The following SCRT1 variants were observed in gnomAD, a reference collection of about 807,000 sequenced individuals.
The protein encoded by SCRT1 is scratch family transcriptional repressor 1, also known as transcriptional repressor scratch 1.
SCRT1 carries 1 observed loss-of-function variant against 3.4 expected under a neutral mutation model. The observed-to-expected ratio is 0.29, with a 90% CI of 0.10 to 1.39. SCRT1 has a LOEUF of 1.39. SCRT1 is among the 40% of genes most tolerant of loss of function. The pLI is 0.42. For missense variants in SCRT1, 380 were observed against 526.3 expected (o/e 0.72, Z 2.72); for synonymous variants, 238 against 247.0 (o/e 0.96, Z 0.34).
In SCRT1 at chr8:144,335,924, A is replaced by G; in HGVS notation, c.115+131T>C. On this transcript the variant is annotated intron_variant, in intron 1 of 1. Coordinates refer to ENST00000569446, the MANE Select transcript of SCRT1 (RefSeq NM_031309.6). This position sits in a 1 kb window ranked among gnomAD's most constrained non-coding sequence, Gnocchi z 7.7. Reference sequence around the variant, plus strand: ...CCCCTCTACCGTCCAGGCTCCAGCCACAGACTCTTGCCGTTTCTGGTTCCC... The same window carrying G: ...CCCCTCTACCGTCCAGGCTCCAGCCGCAGACTCTTGCCGTTTCTGGTTCCC... 3.2e-6 allele frequency: 2 copies of G among 631,546 alleles called. No individual in the cohort carries two copies. The highest frequency in any genetic ancestry group is 4.2e-5 in the South Asian group (2 of 47,234). 39.1% of individuals were successfully genotyped at this position (631,546 alleles called of 1,614,324 possible). A position where few individuals can be genotyped will look rare whatever the true frequency, so the allele number is the denominator to read the frequency against.
intron 1 of SCRT1, 92 bp from the exon 2 acceptor site, chr8:144,334,208 ACCGGGAGACCCGGGT>A (rs1817851317): frequency 1.1e-6 from 1 of 942,338 alleles, no homozygotes; most frequent in Non-Finnish European, 1.5e-6. Flanking sequence ...GCAGACGCGG[ACCGGGAGACCCGGGT>A]CCGGGAGAGA....
At position 144,331,824 on chromosome 8, in the gene SCRT1, C is replaced by T. The variant is rs1337234263; in HGVS notation, c.*1361G>A. 1 of 152,718 alleles carries T rather than the reference C, an allele frequency of 6.5e-6. No individual in the cohort carries two copies. Among genetic ancestry groups the T allele is most frequent in the East Asian group, 1.9e-4 (1 of 5,176 alleles). The allele number at this position is 152,718 out of a possible 1,614,324, so 9.5% of individuals were successfully genotyped here. A position where few individuals can be genotyped will look rare whatever the true frequency, so the allele number is the denominator to read the frequency against. On this transcript the variant is annotated 3_prime_UTR_variant, in exon 2 of 2. Transcript: ENST00000569446. ...TCAGTAACTCTAGAGGCGGCGGCAG[C>T]TTCGCATGCAGTGCGCATTATTGCT...
At chr8:144,334,635 C>T (rs558033129) in intron 1 of SCRT1, among the ~76,000 whole-genome samples, 202 of 152,250 alleles carry the variant, frequency 1.3e-3, no homozygotes, top group African/African-American at 4.6e-3. Context: ...CTCTGGCCTG[C>T]AGAACGTGCG....
chr8:144,336,129 G>C lies in SCRT1; in HGVS notation c.41C>G (p.Ala14Gly), dbSNP rs1554850263. The part of the protein sequence containing the change: ...SFLVKKVKLD[A>G]FSSADLESAY... Reference sequence around the variant, plus strand: ...GCTCTCCAGGTCGGCCGAAGAGAACGCGTCAAGTTTGACCTTCTTGACCAG... The same window carrying C: ...GCTCTCCAGGTCGGCCGAAGAGAACCCGTCAAGTTTGACCTTCTTGACCAG... The change falls in exon 1 of 2, where the codon GCG becomes GGG. Residue 14 changes from alanine to glycine, a missense_variant. Ala to Gly is a moderately conservative substitution (Grantham distance 60). Transcript: ENST00000569446. This position sits in a 1 kb window ranked among gnomAD's most constrained non-coding sequence, Gnocchi z 6.8. The C allele has an allele frequency of 1.9e-6, 3 of 1,610,384 alleles. No homozygotes were observed.
At chr8:144,334,924 CAG>C (rs1470767095) in intron 1 of SCRT1, among the ~76,000 whole-genome samples, 1 of 152,186 alleles carries the variant, frequency 6.6e-6, no homozygotes, top group Non-Finnish European at 1.5e-5. Flanking sequence ...CTGAACTGTG[CAG>C]AGAGGGCCAG....
chr8:144,332,809 G>A lies in SCRT1; in HGVS notation c.*376C>T, dbSNP rs1817801835. 5.3e-6 allele frequency: 1 copy of A among 190,302 alleles called. No individual in the cohort carries two copies. Among genetic ancestry groups the A allele is most frequent in the Non-Finnish European group, 1.1e-5 (1 of 93,142 alleles). The allele number at this position is 190,302 out of a possible 1,614,324, so 11.8% of individuals were successfully genotyped here. A position where few individuals can be genotyped will look rare whatever the true frequency, so the allele number is the denominator to read the frequency against. ...TTGGGAAGGGGTGGGGAAGACCTGA[G>A]TCCCTGCGACGCGATCCAGGGGCGC... On this transcript the variant is annotated 3_prime_UTR_variant, in exon 2 of 2. Coordinates refer to ENST00000569446, the MANE Select transcript of SCRT1 (RefSeq NM_031309.6).
chr8:144,332,935 G>A lies in SCRT1; in HGVS notation c.*250C>T, dbSNP rs1554849758. ...GGTTCTAGGTCTCGTCGACCCTATT[G>A]CTGGGAGAAAGCCGGGGGCACCCTG... On this transcript the variant is annotated 3_prime_UTR_variant, in exon 2 of 2. Transcript: ENST00000569446. The A allele has an allele frequency of 1.7e-5, 8 of 478,626 alleles. No individual in the cohort carries two copies. The highest frequency in any genetic ancestry group is 4.1e-5 in the African/African-American group (2 of 48,638). The allele number at this position is 478,626 out of a possible 1,614,324, so 29.6% of individuals were successfully genotyped here. A position where few individuals can be genotyped will look rare whatever the true frequency, so the allele number is the denominator to read the frequency against.
In SCRT1 at chr8:144,335,566, C is replaced by T. The variant is rs2130574725; in HGVS notation, c.115+489G>A. 6.6e-6 allele frequency among the ~76,000 whole-genome samples: 1 copy of T among 152,360 alleles called. No homozygotes were observed. ...GAGACTGCTGCTGCCTCTGCTGGCC[C>T]TCTGCTCTGACAGGTGGGCGGCCCT... is the stretch of plus-strand genomic sequence containing the variant. On this transcript the variant is annotated intron_variant, in intron 1 of 1. Transcript: ENST00000569446. This position sits in a 1 kb window ranked among gnomAD's most constrained non-coding sequence, Gnocchi z 7.7.
chr8:144,332,573 G>C lies in SCRT1; in HGVS notation c.*612C>G, dbSNP rs1305598321. ...GAGGCGAGGGTAGGAGGGCGGCTCCGACTGAGGCCCCAGAAGCAACCCGAG... is the reference window on the plus strand; with the variant it reads ...GAGGCGAGGGTAGGAGGGCGGCTCCCACTGAGGCCCCAGAAGCAACCCGAG... On this transcript the variant is annotated 3_prime_UTR_variant, in exon 2 of 2. Coordinates refer to ENST00000569446, the MANE Select transcript of SCRT1 (RefSeq NM_031309.6). 6.6e-6 allele frequency: 1 copy of C among 152,604 alleles called. No individual in the cohort carries two copies. Among genetic ancestry groups the C allele is most frequent in the Non-Finnish European group, 1.5e-5 (1 of 68,034 alleles). The allele number at this position is 152,604 out of a possible 1,614,324, so 9.5% of individuals were successfully genotyped here.
Position 144,332,833 on chromosome 8 carries a change from GCA to G in SCRT1, c.*350_*351del, listed in dbSNP as rs1554849750. 4.5e-6 allele frequency: 1 copy of G among 222,590 alleles called. No individual in the cohort carries two copies. Among genetic ancestry groups the G allele is most frequent in the East Asian group, 9.4e-5 (1 of 10,584 alleles). 13.8% of individuals were successfully genotyped at this position (222,590 alleles called of 1,614,324 possible). A position where few individuals can be genotyped will look rare whatever the true frequency, so the allele number is the denominator to read the frequency against. On this transcript the variant is annotated 3_prime_UTR_variant, in exon 2 of 2. Coordinates refer to ENST00000569446, the MANE Select transcript of SCRT1 (RefSeq NM_031309.6). Reference sequence around the variant, plus strand: ...AGTCCCTGCGACGCGATCCAGGGGCGCAGAGGCGGGAGAAGGAGGGCGCTCCC... The same window carrying G: ...AGTCCCTGCGACGCGATCCAGGGGCGGAGGCGGGAGAAGGAGGGCGCTCCC...
rs1817818000 is a variant in SCRT1 at position 144,333,121 on chromosome 8, G to A, written c.*64C>T. On this transcript the variant is annotated 3_prime_UTR_variant, in exon 2 of 2. Transcript: ENST00000569446. The stretch of plus-strand genomic sequence containing the variant: ...CTCCGGCCCCTCCACCCGGACGCCA[G>A]CGAAGACTTCCCTGGGGGGCCGTAT... The A allele has an allele frequency of 3.7e-6, 5 of 1,356,728 alleles. No individual in the cohort carries two copies. Among genetic ancestry groups the A allele is most frequent in the Non-Finnish European group, 4.9e-6 (5 of 1,030,438 alleles). The allele number at this position is 1,356,728 out of a possible 1,614,324, so 84.0% of individuals were successfully genotyped here.
At position 144,331,890 on chromosome 8, in the gene SCRT1, G is replaced by A. The variant is rs782434751; in HGVS notation, c.*1295C>T. 1 of 152,636 alleles carries A rather than the reference G, an allele frequency of 6.6e-6. No homozygotes were observed. The highest frequency in any genetic ancestry group is 2.1e-4 in the South Asian group (1 of 4,836). 9.5% of individuals were successfully genotyped at this position (152,636 alleles called of 1,614,324 possible). A position where few individuals can be genotyped will look rare whatever the true frequency, so the allele number is the denominator to read the frequency against. ...GACTACCTAAGAGGGAGGGGGAGCG[G>A]GCAGCCCCGGGTAGGATCGGGAGGA... is the stretch of plus-strand genomic sequence containing the variant. On this transcript the variant is annotated 3_prime_UTR_variant, in exon 2 of 2. Transcript: ENST00000569446.
rs1483764674 is a variant in SCRT1, at chr8:144,336,236, G to T, written c.-67C>A. On this transcript the variant is annotated 5_prime_UTR_variant, in exon 1 of 2. Coordinates refer to ENST00000569446, the MANE Select transcript of SCRT1 (RefSeq NM_031309.6). The surrounding 1 kb of genome is among the most constrained non-coding windows in gnomAD (Gnocchi z 6.8). ...GGCTTGGGGGGGCTGCGGCGGCAGGGCCCCGTCACCATCCGAGGAGCGGCG... is the reference window on the plus strand; with the variant it reads ...GGCTTGGGGGGGCTGCGGCGGCAGGTCCCCGTCACCATCCGAGGAGCGGCG... 15 of 1,206,138 alleles carry T rather than the reference G, an allele frequency of 1.2e-5. No individual in the cohort carries two copies. The highest frequency in any genetic ancestry group is 1.0e-5 in the Non-Finnish European group (9 of 865,712). The allele number at this position is 1,206,138 out of a possible 1,614,324, so 74.7% of individuals were successfully genotyped here. A position where few individuals can be genotyped will look rare whatever the true frequency, so the allele number is the denominator to read the frequency against.
chr8:144,330,667 CG>C lies in SCRT1; in HGVS notation c.*2517del, dbSNP rs1564636735. 2 of 151,986 alleles carry C rather than the reference CG, an allele frequency of 1.3e-5. No individual in the cohort carries two copies. The highest frequency in any genetic ancestry group is 4.8e-5 in the African/African-American group (2 of 41,392). The allele number at this position is 151,986 out of a possible 1,614,324, so 9.4% of individuals were successfully genotyped here. ...AGGTCTGTCCGTCCGTCCGTCTGTCCGGCCGGCCTGGCCCCAAATGGGGGCG... is the reference window on the plus strand; with the variant it reads ...AGGTCTGTCCGTCCGTCCGTCTGTCCGCCGGCCTGGCCCCAAATGGGGGCG... On this transcript the variant is annotated 3_prime_UTR_variant, in exon 2 of 2. Transcript: ENST00000569446.
rs1312406100 is a variant in SCRT1, at chr8:144,330,899, G to C, written c.*2286C>G. On this transcript the variant is annotated 3_prime_UTR_variant, in exon 2 of 2. Coordinates refer to ENST00000569446, the MANE Select transcript of SCRT1 (RefSeq NM_031309.6). ...CCTTCTACCTGAATTCGCTAAGTCGGTTATTGTGCTGCTTAGTTATGGGGG... is the reference window on the plus strand; with the variant it reads ...CCTTCTACCTGAATTCGCTAAGTCGCTTATTGTGCTGCTTAGTTATGGGGG... The C allele has an allele frequency of 1.3e-5, 2 of 152,530 alleles. No individual in the cohort carries two copies. The highest frequency in any genetic ancestry group is 2.9e-5 in the Non-Finnish European group (2 of 68,032). 9.4% of individuals were successfully genotyped at this position (152,530 alleles called of 1,614,324 possible).
chr8:144,336,038 C>G lies in SCRT1; in HGVS notation c.115+17G>C. 1.9e-6 allele frequency: 3 copies of G among 1,551,460 alleles called. No homozygotes were observed. The highest frequency in any genetic ancestry group is 4.7e-5 in the East Asian group (2 of 42,416). On this transcript the variant is annotated intron_variant, in intron 1 of 1. Transcript: ENST00000569446. The surrounding 1 kb of genome is among the most constrained non-coding windows in gnomAD (Gnocchi z 6.8). ...AAAGCCCCAGGCCCCGCGCCCTGGTCTCAGACCAGCGCTCACCTTTATCGT... is the reference window on the plus strand; with the variant it reads ...AAAGCCCCAGGCCCCGCGCCCTGGTGTCAGACCAGCGCTCACCTTTATCGT...
chr8:144,334,265 G>A (rs1817852230), intron 1 of SCRT1, 149 bp from the exon 2 acceptor site: 2 of 600,904 alleles, frequency 3.3e-6, no homozygotes, highest in South Asian at 2.0e-5. Context: ...AGGAGAGGAG[G>A]CCGAGGGACC....
In SCRT1 at chr8:144,333,624, G is replaced by A; in HGVS notation, c.608C>T (p.Ser203Leu). The change falls in exon 2 of 2, where the codon TCG becomes TTG. Residue 203 changes from serine to leucine, a missense_variant. Ser to Leu is a moderately radical substitution (Grantham distance 145, BLOSUM62 -2). Coordinates refer to ENST00000569446, the MANE Select transcript of SCRT1 (RefSeq NM_031309.6). ...CGECGKTYAT[S>L]SNLSRHKQTH... ...CTGCTTGTGGCGGCTCAGGTTCGACGACGTGGCGTATGTTTTGCCGCACTC... is the reference window on the plus strand; with the variant it reads ...CTGCTTGTGGCGGCTCAGGTTCGACAACGTGGCGTATGTTTTGCCGCACTC... 2 of 1,607,080 alleles carry A rather than the reference G, an allele frequency of 1.2e-6. No individual in the cohort carries two copies. The highest frequency in any genetic ancestry group is 2.1e-4 in the Middle Eastern group (1 of 4,820).
rs782700706 is a variant in SCRT1, at chr8:144,336,061, C to T, written c.109G>A (p.Asp37Asn). 44 of 1,598,104 alleles carry T rather than the reference C, an allele frequency of 2.8e-5. No individual in the cohort carries two copies. Among genetic ancestry groups the T allele is most frequent in the Non-Finnish European group, 3.6e-5 (42 of 1,172,324 alleles). ...ARSDLGAPLH[D>N]KGYLSDYVGP... is the part of the protein sequence containing the mutation. ...GTCTCAGACCAGCGCTCACCTTTAT[C>T]GTGCAGTGGCGCGCCGAGGTCGCTG... Residue 37 changes from aspartate (D) to asparagine (N), a missense_variant, in exon 1 of 2, where the codon GAT (aspartate) becomes AAT (asparagine). Coordinates refer to ENST00000569446, the MANE Select transcript of SCRT1 (RefSeq NM_031309.6). This position sits in a 1 kb window ranked among gnomAD's most constrained non-coding sequence, Gnocchi z 6.8.
Sources: allele counts gnomAD v4.1 joint callset (sites outside exome capture counted in the v4.1 genomes callset), GRCh38; gene constraint gnomAD v4.1.1; non-coding constraint Gnocchi (gnomAD v3.1); transcripts MANE v1.5; gene names NCBI Gene and HGNC (gene_info 2026-07-23, HGNC 2026-07-21).